Variants in KCNH5 observed in about 807,000 individuals in gnomAD.
KCNH5 encodes voltage-gated delayed rectifier potassium channel KCNH5.
A neutral mutation model predicts 96.1 loss-of-function variants in KCNH5; 46 were observed. The ratio of observed to expected loss-of-function variants is 0.48; its 90% CI spans 0.38 to 0.61. KCNH5 has a LOEUF of 0.61. Among genes scored for constraint, KCNH5 ranks in the 20% least tolerant of loss-of-function variants. KCNH5 has a pLI of 0.00. For synonymous variants in KCNH5, 439 were observed against 449.8 expected (o/e 0.98, Z 0.30); for missense variants, 907 against 1,225.8 (o/e 0.74, Z 3.88).
At position 62,839,131 on chromosome 14, in the gene KCNH5, T is replaced by A. The variant is rs114714405; in HGVS notation, c.1569+10522A>T. Among the ~76,000 whole-genome samples, 1,013 of 152,304 alleles carry A rather than the reference T, an allele frequency of 6.7e-3. 13 individuals are homozygous for A. Among genetic ancestry groups the A allele is most frequent in the African/African-American group, 0.023 (967 of 41,586 alleles). On this transcript the variant is annotated intron_variant, in intron 8 of 10. Transcript: ENST00000322893. Reference sequence around the variant, plus strand: ...GACATAGAATAGACTACAAATGTTATTATATTGTATACTTATAACATAAAT... The same window carrying A: ...GACATAGAATAGACTACAAATGTTAATATATTGTATACTTATAACATAAAT...
intron 7 of KCNH5, among the ~76,000 whole-genome samples, chr14:62,913,374 C>T (rs1327506601): frequency 2.0e-5 from 3 of 151,408 alleles, no homozygotes; most frequent in Non-Finnish European, 2.9e-5. Flanking sequence ...ACTACAGGCA[C>T]GTGCCAGCAT....
intron 7 of KCNH5, among the ~76,000 whole-genome samples, chr14:62,918,263 C>T (rs17823801): frequency 0.12 from 18,433 of 151,932 alleles, 1,289 homozygotes; most frequent in East Asian, 0.28. Flanking sequence ...GCTCTGGGTC[C>T]CATTAAAAAG....
chr14:62,899,067 A>G (rs1328491423), intron 7 of KCNH5, among the ~76,000 whole-genome samples: 1 of 152,170 alleles, frequency 6.6e-6, no homozygotes, highest in Non-Finnish European at 1.5e-5. Context: ...TTTACCATAC[A>G]GTTTTTCTAA....
chr14:62,906,956 C>T (rs901803295), intron 7 of KCNH5, among the ~76,000 whole-genome samples: 3 of 152,188 alleles, frequency 2.0e-5, no homozygotes, highest in Non-Finnish European at 4.4e-5. Context: ...CAATGAACAA[C>T]GTATAGCACT....
chr14:62,924,171 T>A (rs1406363303), intron 7 of KCNH5, among the ~76,000 whole-genome samples: 2 of 151,814 alleles, frequency 1.3e-5, no homozygotes, highest in Admixed American at 1.3e-4. Context: ...ACCTGAATAG[T>A]CATTTCTAAA....
intron 9 of KCNH5, among the ~76,000 whole-genome samples, chr14:62,783,026 A>C (rs1033417338): frequency 6.6e-6 from 1 of 152,246 alleles, no homozygotes; most frequent in Non-Finnish European, 1.5e-5. Flanking sequence ...TAATTGCCAA[A>C]AATTAGAAAT....
intron 7 of KCNH5, among the ~76,000 whole-genome samples, chr14:62,897,641 C>G (rs763780220): frequency 2.0e-5 from 3 of 152,064 alleles, no homozygotes; most frequent in Non-Finnish European, 2.9e-5. Context: ...ATTACTGCCT[C>G]TTCTACAGCA....
intron 10 of KCNH5, among the ~76,000 whole-genome samples, chr14:62,738,384 T>A (rs1471776866): frequency 6.6e-6 from 1 of 152,136 alleles, no homozygotes. Flanking sequence ...AAACTGCAGA[T>A]AAGGGAGGAC....
At chr14:62,752,360 G>A (rs978934232) in intron 10 of KCNH5, among the ~76,000 whole-genome samples, 3 of 152,018 alleles carry the variant, frequency 2.0e-5, no homozygotes, top group Non-Finnish European at 2.9e-5. Flanking sequence ...TGCAGCTTAT[G>A]TACCAGCTTG....
chr14:62,891,066 G>A (rs1888701953), intron 7 of KCNH5, among the ~76,000 whole-genome samples: 1 of 152,112 alleles, frequency 6.6e-6, no homozygotes, highest in African/African-American at 2.4e-5. Context: ...TATATACCCA[G>A]AGGATTATAA....
chr14:62,994,733 G>T (rs930343385), intron 4 of KCNH5, among the ~76,000 whole-genome samples: 2 of 152,050 alleles, frequency 1.3e-5, no homozygotes, highest in South Asian at 2.1e-4. Context: ...GGACGGGGCA[G>T]CATGGGTGCA....
chr14:62,721,686 T>A (rs139592605), intron 10 of KCNH5, among the ~76,000 whole-genome samples: 1 of 152,106 alleles, frequency 6.6e-6, no homozygotes, highest in Admixed American at 6.6e-5. Context: ...CTAATTTCAT[T>A]TCCATATCTA....
intron 7 of KCNH5, among the ~76,000 whole-genome samples, chr14:62,883,909 A>G (rs1024141321): frequency 6.6e-6 from 1 of 152,178 alleles, no homozygotes; most frequent in African/African-American, 2.4e-5. Flanking sequence ...TACATATTTG[A>G]TCTCAATTTG....
At chr14:63,007,325 C>T (rs1038817565) in intron 2 of KCNH5, among the ~76,000 whole-genome samples, 5 of 152,132 alleles carry the variant, frequency 3.3e-5, no homozygotes, top group East Asian at 1.9e-4. Flanking sequence ...TTAATTCTAA[C>T]TTAGAAAGGA....
intron 7 of KCNH5, among the ~76,000 whole-genome samples, chr14:62,889,666 C>G (rs1390370512): frequency 6.6e-6 from 1 of 152,158 alleles, no homozygotes; most frequent in African/African-American, 2.4e-5. Context: ...CAGACTCTGA[C>G]ATTCAGACTA....
chr14:62,866,782 T>C (rs1340831344), intron 7 of KCNH5, among the ~76,000 whole-genome samples: 1 of 152,122 alleles, frequency 6.6e-6, no homozygotes, highest in Non-Finnish European at 1.5e-5. Flanking sequence ...TTCCTTTCCA[T>C]TTACAGATCA....
chr14:62,917,997 C>T (rs554113094), intron 7 of KCNH5, among the ~76,000 whole-genome samples: 11 of 152,250 alleles, frequency 7.2e-5, no homozygotes, highest in South Asian at 2.1e-4. Flanking sequence ...TTCCATCTGT[C>T]TAAAGGATCC....
chr14:62,948,529 C>A lies in KCNH5; in HGVS notation c.1369+1604G>T, dbSNP rs1334189472. On this transcript the variant is annotated intron_variant, in intron 7 of 10. Transcript: ENST00000322893. ...TTGGCAATAATCAATAGCTTACCAACCAAAAAGAGTCCAGGACCAGATGGA... is the reference window on the plus strand; with the variant it reads ...TTGGCAATAATCAATAGCTTACCAAACAAAAAGAGTCCAGGACCAGATGGA... Among the ~76,000 whole-genome samples the A allele has an allele frequency of 3.3e-5, 5 of 151,994 alleles. No homozygotes were observed. In the East Asian group the frequency reaches 9.7e-4, roughly 29 times the overall value.
chr14:62,919,671 A>T (rs1889343569), intron 7 of KCNH5, among the ~76,000 whole-genome samples: 1 of 152,182 alleles, frequency 6.6e-6, no homozygotes, highest in African/African-American at 2.4e-5. Flanking sequence ...TTAGATTTAT[A>T]GCTGACATCC....
Sources: gnomAD v4.1 joint callset for allele counts (sites outside exome capture counted in the v4.1 genomes callset) on GRCh38, gnomAD v4.1.1 for gene constraint, MANE v1.5 for transcripts, NCBI Gene and HGNC (gene_info 2026-07-23, HGNC 2026-07-21) for gene names.